Variants in STARD3 observed in about 807,000 individuals in gnomAD.
STARD3 encodes stAR-related lipid transfer protein 3.
In STARD3, 39 loss-of-function variants were observed where a neutral mutation model predicts 62.0. The ratio of observed to expected loss-of-function variants is 0.63; its 90% confidence interval spans 0.49 to 0.82. STARD3 has a LOEUF of 0.82. Ranked by LOEUF, STARD3 falls within the 40% of genes least tolerant of loss-of-function variation. The probability of loss-of-function intolerance (pLI) is 0.00; values close to 1 mark genes in which losing one functional copy is unlikely to be tolerated. For missense variants in STARD3, 543 were observed against 584.5 expected (o/e 0.93, Z 0.73); for synonymous variants, 229 against 242.4 (o/e 0.94, Z 0.51).
intron 2 of STARD3, 40 bp downstream of exon 2, chr17:39,653,790 G>A: frequency 6.2e-7 from 1 of 1,608,920 alleles, no homozygotes; most frequent in Non-Finnish European, 8.5e-7. Context: ...CATGTTGCAG[G>A]CCACCCGGGC....
chr17:39,647,597 G>A (rs1218700854), intron 1 of STARD3, among the ~76,000 whole-genome samples: 2 of 152,180 alleles, frequency 1.3e-5, no homozygotes, highest in Non-Finnish European at 2.9e-5. Flanking sequence ...TCCACGCCAC[G>A]GTGGGTTTTC....
At position 39,658,498 on chromosome 17, in the gene STARD3, C is replaced by A; in HGVS notation, c.523C>A (p.Pro175Thr). 1 of 1,614,052 alleles carries A rather than the reference C, an allele frequency of 6.2e-7. No homozygotes were observed. Among genetic ancestry groups the A allele is most frequent in the Non-Finnish European group, 8.5e-7 (1 of 1,179,950 alleles). Reference sequence around the variant, plus strand: ...CTGGTTCCTTGACTTCAAAGTCCTACCCCAGGAAGCTGAAGAGGAGCGATG... The same window carrying A: ...CTGGTTCCTTGACTTCAAAGTCCTAACCCAGGAAGCTGAAGAGGAGCGATG... The part of the protein sequence containing the change: ...ETWFLDFKVL[P>T]QEAEEERWYL... The change falls in exon 6 of 15, where the codon CCC (proline) becomes ACC (threonine). Residue 175 changes from proline (P) to threonine (T), a missense_variant. Transcript: ENST00000336308.
At chr17:39,659,406 C>T in intron 8 of STARD3, 55 bp from the exon 9 acceptor site, 3 of 1,539,214 alleles carry the variant, frequency 1.9e-6, no homozygotes, top group Admixed American at 1.7e-5. Context: ...AGGCCACGAA[C>T]ATGGTGGACT....
chr17:39,648,630 A>G (rs1456090506), intron 1 of STARD3, among the ~76,000 whole-genome samples: 1 of 152,060 alleles, frequency 6.6e-6, no homozygotes. Flanking sequence ...CCTACTGTAC[A>G]GGCTGTCATT....
chr17:39,655,685 T>C (rs1177359524), intron 2 of STARD3, among the ~76,000 whole-genome samples: 1 of 152,278 alleles, frequency 6.6e-6, no homozygotes, highest in Admixed American at 6.5e-5. Context: ...TAATTAAAAT[T>C]GTATTGATTT....
intron 2 of STARD3, among the ~76,000 whole-genome samples, chr17:39,655,271 C>T (rs2057116192): frequency 6.6e-6 from 1 of 152,184 alleles, no homozygotes. Context: ...CTGTAGCCTC[C>T]AACTCCTAGA....
At chr17:39,642,392 G>C (rs1312954465) in intron 1 of STARD3, among the ~76,000 whole-genome samples, 4 of 152,202 alleles carry the variant, frequency 2.6e-5, no homozygotes, top group Non-Finnish European at 5.9e-5. Flanking sequence ...GGGCAGGGAA[G>C]ACCCCCACAG....
At position 39,653,476 on chromosome 17, in the gene STARD3, C is replaced by A; in HGVS notation, c.-51-5C>A. ...GACAGGACTCTGCCTCTGCCTCGCC[C>A]CCAGCCCTGCTGCTGAGGCCGCGCC... On this transcript the variant is annotated splice_region_variant and splice_polypyrimidine_tract_variant and intron_variant, in intron 1 of 14. Transcript: ENST00000336308. The A allele has an allele frequency of 1.3e-6, 2 of 1,576,790 alleles. No individual in the cohort carries two copies. The highest frequency in any genetic ancestry group is 1.1e-5 in the South Asian group (1 of 89,478).
intron 1 of STARD3, among the ~76,000 whole-genome samples, chr17:39,650,296 C>T (rs2057065257): frequency 6.6e-6 from 1 of 152,118 alleles, no homozygotes; most frequent in South Asian, 2.1e-4. Context: ...GACCGGTCGG[C>T]GTTTGTGGCT....
intron 5 of STARD3, 80 bp from the exon 6 acceptor site, chr17:39,658,325 G>A: frequency 7.4e-7 from 1 of 1,346,810 alleles, no homozygotes; most frequent in South Asian, 1.3e-5. Flanking sequence ...CAGTTTGGCT[G>A]GCTAGAGTTG....
chr17:39,642,371 G>T (rs994217550), intron 1 of STARD3, among the ~76,000 whole-genome samples: 2 of 152,208 alleles, frequency 1.3e-5, no homozygotes, highest in Non-Finnish European at 2.9e-5. Flanking sequence ...TGGAGGGAGT[G>T]CCTGGGCTCT....
In STARD3 at chr17:39,650,595, C is replaced by T. The variant is rs112362357; in HGVS notation, c.-51-2886C>T. On this transcript the variant is annotated intron_variant, in intron 1 of 14. Coordinates refer to ENST00000336308, the MANE Select transcript of STARD3 (RefSeq NM_006804.4). ...AGCCAAAACAGGAGGATCCTTGAGC[C>T]AGGGAGTTTGAGACCAGCTTGGGTA... Among the ~76,000 whole-genome samples the T allele has an allele frequency of 5.8e-3, 876 of 152,198 alleles. 6 individuals are homozygous for T. The highest frequency in any genetic ancestry group is 0.019 in the African/African-American group (808 of 41,516).
Position 39,658,762 on chromosome 17 carries a change from G to C in STARD3, c.588G>C (p.Leu196=), listed in dbSNP as rs1221880977. The change falls in exon 7 of 15, where the codon CTG becomes CTC. Residue 196 remains leucine, a synonymous_variant. Coordinates refer to ENST00000336308, the MANE Select transcript of STARD3 (RefSeq NM_006804.4). Reference sequence around the variant, plus strand: ...AGGTTGCTGTTGCCCGTGGACCCCTGCTGTTCTCCGGTGCTCTGTCCGAGG... The same window carrying C: ...AGGTTGCTGTTGCCCGTGGACCCCTCCTGTTCTCCGGTGCTCTGTCCGAGG... ...AAQVAVARGP[L]LFSGALSEGQ... is the part of the protein sequence containing the mutation. The C allele has an allele frequency of 6.2e-7, 1 of 1,613,988 alleles. No homozygotes were observed. The highest frequency in any genetic ancestry group is 8.5e-7 in the Non-Finnish European group (1 of 1,179,986).
chr17:39,661,181 T>A, intron 13 of STARD3, 96 bp downstream of exon 13: 1 of 1,082,156 alleles, frequency 9.2e-7, no homozygotes, highest in Non-Finnish European at 1.4e-6. Flanking sequence ...GCACTTCCCC[T>A]GCTGAGGCTG....
intron 1 of STARD3, among the ~76,000 whole-genome samples, chr17:39,644,089 G>A (rs1314298777): frequency 6.6e-6 from 1 of 152,192 alleles, no homozygotes; most frequent in Admixed American, 6.5e-5. Flanking sequence ...GGGGGTGCTG[G>A]TGCTAGCATT....
Position 39,663,094 on chromosome 17 carries a change from G to A in STARD3, c.*186G>A, listed in dbSNP as rs764697151. On this transcript the variant is annotated 3_prime_UTR_variant, in exon 15 of 15. Coordinates refer to ENST00000336308, the MANE Select transcript of STARD3 (RefSeq NM_006804.4). ...GTGGGGTGGAGCACTGGACTCCGGGGCCCCACTGGCTGGAGGAAGTGGGGT... is the reference window on the plus strand; with the variant it reads ...GTGGGGTGGAGCACTGGACTCCGGGACCCCACTGGCTGGAGGAAGTGGGGT... 161 of 556,034 alleles carry A rather than the reference G, an allele frequency of 2.9e-4. No homozygotes were observed. Among genetic ancestry groups the A allele is most frequent in the Non-Finnish European group, 1.5e-4 (50 of 332,824 alleles). 34.4% of individuals were successfully genotyped at this position (556,034 alleles called of 1,614,324 possible). A position where few individuals can be genotyped will look rare whatever the true frequency, so the allele number is the denominator to read the frequency against.
chr17:39,662,939 T>C lies in STARD3; in HGVS notation c.*31T>C. 1.3e-6 allele frequency: 2 copies of C among 1,585,244 alleles called. No individual in the cohort carries two copies. Among genetic ancestry groups the C allele is most frequent in the Non-Finnish European group, 1.7e-6 (2 of 1,164,476 alleles). ...CCCCCTCCCACCCTGCGGGCCAGGG[T>C]CCTGTCGCCACCACTTCCAGAGCCA... On this transcript the variant is annotated 3_prime_UTR_variant, in exon 15 of 15. Coordinates refer to ENST00000336308, the MANE Select transcript of STARD3 (RefSeq NM_006804.4).
intron 1 of STARD3, among the ~76,000 whole-genome samples, chr17:39,639,728 T>A (rs1018957750): frequency 6.6e-6 from 1 of 152,242 alleles, no homozygotes; most frequent in Non-Finnish European, 1.5e-5. Context: ...TCCGGAGGCC[T>A]AGTACCTGGT....
Position 39,659,525 on chromosome 17 carries a change from A to G in STARD3, c.767A>G (p.Glu256Gly). The G allele has an allele frequency of 6.2e-7, 1 of 1,614,116 alleles. No individual in the cohort carries two copies. Among genetic ancestry groups the G allele is most frequent in the Non-Finnish European group, 8.5e-7 (1 of 1,179,996 alleles). ...GTGGTGGACCAGATCTTGGCCCAGG[A>G]AGAGAACTGGAAGTTTGAGAAGAAT... ...TAVVDQILAQ[E>G]ENWKFEKNNE... Residue 256 changes from glutamate to glycine, a missense_variant, in exon 9 of 15, where the codon GAA (glutamate) becomes GGA (glycine). Coordinates refer to ENST00000336308, the MANE Select transcript of STARD3 (RefSeq NM_006804.4).
Sources: gnomAD v4.1 joint callset for allele counts (sites outside exome capture counted in the v4.1 genomes callset) on GRCh38, gnomAD v4.1.1 for gene constraint, MANE v1.5 for transcripts, NCBI Gene and HGNC (gene_info 2026-07-23, HGNC 2026-07-21) for gene names.